The following POU6F2 variants were observed in gnomAD, a reference collection of about 807,000 sequenced individuals.
The protein encoded by POU6F2 is POU class 6 homeobox 2.
In POU6F2, 31 loss-of-function variants were observed where a neutral mutation model predicts 71.3. The ratio of observed to expected loss-of-function variants is 0.43; its 90% CI spans 0.33 to 0.59. The LOEUF (loss-of-function observed/expected upper bound fraction) is 0.59. Among genes scored for constraint, POU6F2 ranks in the 20% least tolerant of loss-of-function variants. The pLI is 0.04. For missense variants in POU6F2, 783 were observed against 856.8 expected (o/e 0.91, Z 1.07); for synonymous variants, 347 against 355.7 (o/e 0.98, Z 0.27).
At chr7:38,993,770 T>A (rs954071218) in intron 1 of POU6F2, among the ~76,000 whole-genome samples, 4 of 152,084 alleles carry the variant, frequency 2.6e-5, no homozygotes, top group African/African-American at 7.2e-5. Context: ...AACGTAGCAT[T>A]CCGTGGAAGA....
chr7:39,464,742 G>C lies in POU6F2; in HGVS notation c.*56G>C. The C allele has an allele frequency of 6.7e-7, 1 of 1,501,786 alleles. No homozygotes were observed. The highest frequency in any genetic ancestry group is 1.3e-5 in the South Asian group (1 of 78,508). The allele number at this position is 1,501,786 out of a possible 1,614,324, so 93.0% of individuals were successfully genotyped here. ...TTCACAGAAACTAAACTCCACCCTT[G>C]GGACTCCACAACAACAACAACAACA... On this transcript the variant is annotated 3_prime_UTR_variant, in exon 10 of 10. Coordinates refer to ENST00000518318, the MANE Select transcript of POU6F2 (RefSeq NM_001370959.1). This position sits in a 1 kb window ranked among gnomAD's most constrained non-coding sequence, Gnocchi z 4.1.
At chr7:39,458,908 C>A (rs1788875195) in intron 8 of POU6F2, among the ~76,000 whole-genome samples, 1 of 152,162 alleles carries the variant, frequency 6.6e-6, no homozygotes, top group Non-Finnish European at 1.5e-5. Flanking sequence ...TCTCTGAAAA[C>A]TGCCCATTGG....
chr7:39,249,222 G>A (rs1261989140), intron 4 of POU6F2, among the ~76,000 whole-genome samples: 6 of 152,182 alleles, frequency 3.9e-5, no homozygotes, highest in Non-Finnish European at 7.3e-5. Flanking sequence ...GTTCCTTTCA[G>A]AATGAATTAA....
At chr7:39,277,596 G>A (rs1349812928) in intron 4 of POU6F2, among the ~76,000 whole-genome samples, 6 of 152,170 alleles carry the variant, frequency 3.9e-5, no homozygotes, top group Admixed American at 2.0e-4. Context: ...GGAGTGTCTA[G>A]GATGTCAGAT....
intron 4 of POU6F2, among the ~76,000 whole-genome samples, chr7:39,240,570 A>C (rs1783704530): frequency 6.6e-6 from 1 of 152,172 alleles, no homozygotes; most frequent in Non-Finnish European, 1.5e-5. Flanking sequence ...AGACCGGAGG[A>C]ATCTACAGAA....
At chr7:39,382,241 C>T (rs1291074294) in intron 5 of POU6F2, among the ~76,000 whole-genome samples, 1 of 152,106 alleles carries the variant, frequency 6.6e-6, no homozygotes, top group East Asian at 1.9e-4. Flanking sequence ...CCCAAGGACA[C>T]CTGAGACCCT....
chr7:39,000,300 C>G (rs769936976), intron 1 of POU6F2, among the ~76,000 whole-genome samples: 1 of 152,160 alleles, frequency 6.6e-6, no homozygotes, highest in Admixed American at 6.5e-5. Context: ...TCAGAATATG[C>G]GTGCTTTTCT....
chr7:39,284,939 G>A (rs546997971), intron 4 of POU6F2, among the ~76,000 whole-genome samples: 6 of 152,130 alleles, frequency 3.9e-5, no homozygotes, highest in Non-Finnish European at 7.3e-5. Flanking sequence ...GGCAAGGTCC[G>A]TAGGATCCAC....
At chr7:39,010,444 A>T (rs1251730569) in intron 1 of POU6F2, among the ~76,000 whole-genome samples, 2 of 151,624 alleles carry the variant, frequency 1.3e-5, no homozygotes, top group African/African-American at 2.4e-5. Context: ...CTAGTGGTCT[A>T]TGAATTTTGT....
intron 1 of POU6F2, among the ~76,000 whole-genome samples, chr7:38,985,809 G>A (rs908323916): frequency 5.9e-5 from 9 of 152,066 alleles, no homozygotes; most frequent in African/African-American, 2.2e-4. Flanking sequence ...GCTAATACAA[G>A]AGGTGTTTGT....
At chr7:39,459,789 A>AG (rs200958200) in intron 8 of POU6F2, among the ~76,000 whole-genome samples, 1 of 148,894 alleles carries the variant, frequency 6.7e-6, no homozygotes, top group Non-Finnish European at 1.5e-5. Flanking sequence ...ATCAGTAGCC[A>AG]GGGGGGGAAA....
intron 5 of POU6F2, among the ~76,000 whole-genome samples, chr7:39,366,246 C>T (rs1293907105): frequency 6.6e-6 from 1 of 151,930 alleles, no homozygotes; most frequent in Non-Finnish European, 1.5e-5. Flanking sequence ...TTGACAATAC[C>T]AGAGCATGAC....
intron 8 of POU6F2, among the ~76,000 whole-genome samples, chr7:39,459,369 T>G (rs184046341): frequency 2.2e-3 from 334 of 152,322 alleles, no homozygotes; most frequent in African/African-American, 7.7e-3. Flanking sequence ...TACATGAAGC[T>G]CCAAGCTCCC....
intron 6 of POU6F2, among the ~76,000 whole-genome samples, chr7:39,416,340 G>A (rs1373257311): frequency 6.6e-6 from 1 of 152,136 alleles, no homozygotes; most frequent in Non-Finnish European, 1.5e-5. Context: ...GTGTCCATAG[G>A]TGTCCTGGCT....
At chr7:39,154,084 T>C (rs1333903324) in intron 2 of POU6F2, among the ~76,000 whole-genome samples, 2 of 152,202 alleles carry the variant, frequency 1.3e-5, no homozygotes, top group African/African-American at 4.8e-5. Context: ...ACACAATGAA[T>C]AGCATACATT....
intron 4 of POU6F2, among the ~76,000 whole-genome samples, chr7:39,233,762 T>C (rs1794621193): frequency 6.6e-6 from 1 of 152,136 alleles, no homozygotes; most frequent in Non-Finnish European, 1.5e-5. Context: ...ATTACCGAAC[T>C]TCCTGGTAAC....
chr7:39,212,302 A>G (rs1208665241), intron 4 of POU6F2, among the ~76,000 whole-genome samples: 1 of 152,192 alleles, frequency 6.6e-6, no homozygotes, highest in East Asian at 1.9e-4. Flanking sequence ...GGGAACAGTA[A>G]AAGCCAGTAG....
chr7:39,040,263 AC>A (rs747199657), intron 1 of POU6F2, among the ~76,000 whole-genome samples: 16 of 148,648 alleles, frequency 1.1e-4, no homozygotes, highest in Admixed American at 2.8e-4. Flanking sequence ...GTACAAAAAA[AC>A]ATTAATTTCT....
At chr7:39,190,417 TAAAAAAAAAAA>T (rs57872350) in intron 2 of POU6F2, among the ~76,000 whole-genome samples, 192 of 59,914 alleles carry the variant, frequency 3.2e-3, no homozygotes, top group African/African-American at 9.6e-3. Context: ...CTCCTTTTCT[TAAAAAAAAAAA>T]AAAAAAAAAA....
Sources: allele counts gnomAD v4.1 joint callset (sites outside exome capture counted in the v4.1 genomes callset), GRCh38; gene constraint gnomAD v4.1.1; non-coding constraint Gnocchi (gnomAD v3.1); transcripts MANE v1.5; gene names NCBI Gene and HGNC (gene_info 2026-07-23, HGNC 2026-07-21).